The following CD72 variants were observed in gnomAD, a reference collection of about 807,000 sequenced individuals.
The protein encoded by CD72 is B-cell differentiation antigen CD72.
CD72 carries 28 observed loss-of-function variants against 50.7 expected under a neutral mutation model. The ratio of observed to expected loss-of-function variants is 0.55; its 90% CI spans 0.41 to 0.76. The LOEUF is 0.76. CD72 is among the 30% of genes least tolerant of loss of function. The probability of loss-of-function intolerance (pLI) is 0.00; values close to 1 mark genes in which losing one functional copy is unlikely to be tolerated. For synonymous variants in CD72, 176 were observed against 171.2 expected (o/e 1.03, Z -0.22); for missense variants, 403 against 420.6 (o/e 0.96, Z 0.37).
intron 1 of CD72, among the ~76,000 whole-genome samples, chr9:35,632,212 C>T (rs541453055): frequency 2.9e-4 from 44 of 150,154 alleles, no homozygotes; most frequent in African/African-American, 1.1e-3. Flanking sequence ...GAGTATCGCT[C>T]TGTCACCCAG....
Position 35,616,592 on chromosome 9 carries a change from T to C in CD72, c.352+8A>G. 6.2e-7 allele frequency: 1 copy of C among 1,609,128 alleles called. No individual in the cohort carries two copies. The highest frequency in any genetic ancestry group is 8.5e-7 in the Non-Finnish European group (1 of 1,175,554). On this transcript the variant is annotated splice_region_variant and intron_variant, in intron 4 of 8. Transcript: ENST00000259633. ...GTGTAAGTGGGAAGTAGGGACAGCC[T>C]TACTCACAGCGCACTCCCAGGCAGA...
At chr9:35,614,967 T>C (rs550348312) in intron 5 of CD72, among the ~76,000 whole-genome samples, 176 of 151,808 alleles carry the variant, frequency 1.2e-3, no homozygotes, top group Non-Finnish European at 2.1e-3. Flanking sequence ...CCTGGACTGA[T>C]GGGAAGGGAG....
chr9:35,623,659 A>G (rs1330610306), upstream of CD72, among the ~76,000 whole-genome samples: 1 of 152,068 alleles, frequency 6.6e-6, no homozygotes, highest in Admixed American at 6.6e-5. Context: ...GCTCACACCT[A>G]TAATCCCAGC....
At chr9:35,621,716 G>A (rs1823148310), upstream of CD72, among the ~76,000 whole-genome samples, 1 of 152,206 alleles carries the variant, frequency 6.6e-6, no homozygotes, top group Non-Finnish European at 1.5e-5. Context: ...TGGGAAGAAA[G>A]AGATTCGGTG....
chr9:35,626,440 T>C (rs1042981276), intron 1 of CD72, among the ~76,000 whole-genome samples: 19 of 152,168 alleles, frequency 1.2e-4, no homozygotes, highest in African/African-American at 4.6e-4. Context: ...GAAGATTATG[T>C]TGAAATGACA....
In CD72 at chr9:35,616,678, A is replaced by G; in HGVS notation, c.274T>C (p.Cys92Arg). The change falls in exon 4 of 9, where the codon TGC becomes CGC. Residue 92 changes from cysteine (C) to arginine (R), a missense_variant. Cys to Arg is a radical substitution (Grantham distance 180). Coordinates refer to ENST00000259633, the MANE Select transcript of CD72 (RefSeq NM_001782.3). ...VGRILPCRTT[C>R]LRYLLLGLLL... ...AGGCCGAGCAGGAGGTATCGCAGGC[A>G]GGTTGTGCGGCCTTAGGGGGACAGT... 1.2e-6 allele frequency: 2 copies of G among 1,613,468 alleles called. No individual in the cohort carries two copies. The highest frequency in any genetic ancestry group is 1.7e-6 in the Non-Finnish European group (2 of 1,179,862).
At chr9:35,625,269 T>C (rs973956399) in intron 1 of CD72, among the ~76,000 whole-genome samples, 5 of 152,246 alleles carry the variant, frequency 3.3e-5, no homozygotes, top group African/African-American at 9.6e-5. Flanking sequence ...ACAGTCTTAT[T>C]GCTGATATGG....
At chr9:35,623,233 T>A (rs570830658), upstream of CD72, among the ~76,000 whole-genome samples, 1 of 152,250 alleles carries the variant, frequency 6.6e-6, no homozygotes, top group Admixed American at 6.5e-5. Context: ...GGTTAACAAT[T>A]GTTTATGTAA....
Position 35,616,652 on chromosome 9 carries a change from C to G in CD72, c.300G>C (p.Leu100=). Residue 100 remains leucine, a synonymous_variant, in exon 4 of 9, where the codon CTG becomes CTC. Coordinates refer to ENST00000259633, the MANE Select transcript of CD72 (RefSeq NM_001782.3). ...CTCCTAACAGCAGGCAGGTGAGGAG[C>G]AGGCCGAGCAGGAGGTATCGCAGGC... ...TTCLRYLLLG[L]LLTCLLLGVT... is the part of the protein sequence containing the mutation. The G allele has an allele frequency of 6.2e-7, 1 of 1,613,948 alleles. No homozygotes were observed. The highest frequency in any genetic ancestry group is 1.3e-5 in the African/African-American group (1 of 75,022).
At chr9:35,630,880 A>T (rs1296835041) in intron 1 of CD72, among the ~76,000 whole-genome samples, 1 of 152,210 alleles carries the variant, frequency 6.6e-6, no homozygotes, top group Non-Finnish European at 1.5e-5. Context: ...CCTGCGCAAC[A>T]TGGCAAAACG....
At chr9:35,638,573 G>A (rs1349152441) in intron 1 of CD72, among the ~76,000 whole-genome samples, 1 of 151,240 alleles carries the variant, frequency 6.6e-6, no homozygotes, top group Non-Finnish European at 1.5e-5. Context: ...GCCAGTGTTT[G>A]GGCTCTTTCT....
chr9:35,629,807 A>G (rs576611554), intron 1 of CD72, among the ~76,000 whole-genome samples: 1 of 152,300 alleles, frequency 6.6e-6, no homozygotes, highest in African/African-American at 2.4e-5. Context: ...AAGCCCTGCT[A>G]GTGCACAGTC....
At chr9:35,629,462 C>G (rs531731128) in intron 1 of CD72, among the ~76,000 whole-genome samples, 2 of 152,240 alleles carry the variant, frequency 1.3e-5, no homozygotes, top group South Asian at 2.1e-4. Flanking sequence ...TATATACATA[C>G]ACACACATAC....
chr9:35,631,767 G>C (rs915447007), intron 1 of CD72, among the ~76,000 whole-genome samples: 5 of 152,124 alleles, frequency 3.3e-5, no homozygotes, highest in African/African-American at 1.2e-4. Context: ...GTGGGCACCT[G>C]TAATCCCAGC....
At position 35,617,223 on chromosome 9, in the gene CD72, G is replaced by T. The variant is rs746093837; in HGVS notation, c.215C>A (p.Ala72Glu). The T allele has an allele frequency of 1.3e-6, 2 of 1,565,218 alleles. No homozygotes were observed. The highest frequency in any genetic ancestry group is 8.7e-7 in the Non-Finnish European group (1 of 1,154,612). The change falls in exon 3 of 9, where the codon GCG becomes GAG. Residue 72 changes from alanine (A) to glutamate (E), a missense_variant. Coordinates refer to ENST00000259633, the MANE Select transcript of CD72 (RefSeq NM_001782.3). Reference sequence around the variant, plus strand: ...TGGTGACGTCACGGCTCTCCAGGACGCAGTTGGCTGCTCCGACTTGACCGC... The same window carrying T: ...TGGTGACGTCACGGCTCTCCAGGACTCAGTTGGCTGCTCCGACTTGACCGC... The part of the protein sequence containing the change: ...KAAVKSEQPT[A>E]SWRAVTSPAV...
At chr9:35,614,729 G>A (rs112740644) in intron 5 of CD72, among the ~76,000 whole-genome samples, 1,579 of 152,202 alleles carry the variant, frequency 0.01, 22 homozygotes, top group African/African-American at 0.036. Context: ...AGCCAGGTGC[G>A]GTGGCTCACG....
intron 1 of CD72, among the ~76,000 whole-genome samples, chr9:35,636,587 GC>G (rs1823291672): frequency 6.6e-6 from 1 of 152,222 alleles, no homozygotes; most frequent in African/African-American, 2.4e-5. Flanking sequence ...AGACTGCAGA[GC>G]AGGGCCAAAG....
At chr9:35,612,817 C>T (rs1159686887) in intron 6 of CD72, 31 bp downstream of exon 6, 1 of 1,607,074 alleles carries the variant, frequency 6.2e-7, no homozygotes, top group Non-Finnish European at 8.5e-7. Flanking sequence ...TAATAGTACC[C>T]ACTGCAGTCT....
At chr9:35,618,685 T>A (rs1405480060), upstream of CD72, 38 of 920,562 alleles carry the variant, frequency 4.1e-5, no homozygotes, top group East Asian at 2.2e-3. Context: ...TGCCCCACCC[T>A]CCTCCTGGCT....
Sources: gnomAD v4.1 joint callset for allele counts (sites outside exome capture counted in the v4.1 genomes callset) on GRCh38, gnomAD v4.1.1 for gene constraint, MANE v1.5 for transcripts, NCBI Gene and HGNC (gene_info 2026-07-23, HGNC 2026-07-21) for gene names.